Variants in SLC4A4 observed in about 807,000 individuals in gnomAD.
The protein encoded by SLC4A4 is solute carrier family 4 member 4.
In SLC4A4, 27 loss-of-function variants were observed where a neutral mutation model predicts 111.5. The observed-to-expected ratio is 0.24, with a 90% confidence interval of 0.18 to 0.33. The LOEUF (loss-of-function observed/expected upper bound fraction) is 0.33. SLC4A4 is among the 10% of genes least tolerant of loss of function. SLC4A4 has a pLI of 1.00. For missense variants in SLC4A4, 909 were observed against 1,315.5 expected (o/e 0.69, Z 4.78); for synonymous variants, 443 against 463.4 (o/e 0.96, Z 0.57).
Position 71,534,246 on chromosome 4 carries a change from G to A in SLC4A4, c.2300G>A (p.Gly767Asp). 6.2e-7 allele frequency: 1 copy of A among 1,613,602 alleles called. No individual in the cohort carries two copies. The highest frequency in any genetic ancestry group is 8.5e-7 in the Non-Finnish European group (1 of 1,179,756). ...SEFKPTSPNRGWFVPPFGENP... is the reference protein window; with the variant it reads ...SEFKPTSPNRDWFVPPFGENP... ...TTCAAGCCAACAAGTCCAAACCGAG[G>A]TTGGTTCGTTCCACCGTTTGGAGAA... Residue 767 changes from glycine (G) to aspartate (D), a missense_variant, in exon 18 of 26, where the codon GGT (glycine) becomes GAT (aspartate). Gly to Asp is a moderately conservative substitution (Grantham distance 94). This residue lies in a region of SLC4A4 where 264 missense variants were observed against 356.8 expected (regional missense o/e 0.74). Coordinates refer to ENST00000264485, the MANE Select transcript of SLC4A4 (RefSeq NM_001098484.3).
intron 20 of SLC4A4, among the ~76,000 whole-genome samples, chr4:71,553,090 A>T (rs767983486): frequency 6.6e-6 from 1 of 151,906 alleles, no homozygotes; most frequent in Non-Finnish European, 1.5e-5. Context: ...ATGTTGCATT[A>T]TCATAAGGAA....
At chr4:71,441,307 G>C (rs182000560) in intron 8 of SLC4A4, among the ~76,000 whole-genome samples, 1 of 152,050 alleles carries the variant, frequency 6.6e-6, no homozygotes, top group African/African-American at 2.4e-5. Context: ...TTATAATCAC[G>C]TACTCATTTC....
At chr4:71,370,460 C>T (rs1731762972) in intron 6 of SLC4A4, among the ~76,000 whole-genome samples, 1 of 152,134 alleles carries the variant, frequency 6.6e-6, no homozygotes, top group African/African-American at 2.4e-5. Context: ...AAAAAAATTT[C>T]AGGTAAAAAG....
At chr4:71,516,873 C>T (rs1732450539) in intron 16 of SLC4A4, among the ~76,000 whole-genome samples, 1 of 152,138 alleles carries the variant, frequency 6.6e-6, no homozygotes, top group Non-Finnish European at 1.5e-5. Context: ...TGTCTGTAGT[C>T]AGCCATCTTG....
At chr4:71,073,718 A>C (rs910418769) in intron 1 of SLC4A4, among the ~76,000 whole-genome samples, 3 of 152,118 alleles carry the variant, frequency 2.0e-5, no homozygotes, top group Non-Finnish European at 4.4e-5. Flanking sequence ...CTGTCTCTCC[A>C]GCACCTAGAA....
At chr4:71,167,880 C>T (rs566759753) in intron 2 of SLC4A4, among the ~76,000 whole-genome samples, 30 of 152,242 alleles carry the variant, frequency 2.0e-4, no homozygotes, top group African/African-American at 7.2e-4. Context: ...TCCAAAATGT[C>T]TTTCAAATTT....
At chr4:71,462,253 A>G (rs1726900693) in intron 12 of SLC4A4, among the ~76,000 whole-genome samples, 1 of 152,090 alleles carries the variant, frequency 6.6e-6, no homozygotes, top group South Asian at 2.1e-4. Context: ...CCCGTGAAGT[A>G]GCTATTGATT....
At chr4:71,329,509 G>C (rs1727793503) in intron 3 of SLC4A4, among the ~76,000 whole-genome samples, 2 of 151,960 alleles carry the variant, frequency 1.3e-5, no homozygotes, top group African/African-American at 4.8e-5. Context: ...ATGTTTTATA[G>C]TTTTCATTGT....
At chr4:71,429,258 A>G (rs1723432578) in intron 7 of SLC4A4, among the ~76,000 whole-genome samples, 1 of 152,072 alleles carries the variant, frequency 6.6e-6, no homozygotes. Context: ...TGGAGTGTGA[A>G]AGATTGAACT....
chr4:71,385,191 A>ATTTTTTTTTTTTTTTTTTTTTTTTTTT (rs1157788396), intron 6 of SLC4A4, among the ~76,000 whole-genome samples: 1 of 11,896 alleles, frequency 8.4e-5, no homozygotes, highest in African/African-American at 2.5e-4. Flanking sequence ...ATATATATAT[A>ATTTTTTTTTTTTTTTTTTTTTTTTTTT]TTTTTTTTTT....
chr4:71,391,009 A>T (rs1237580556), intron 6 of SLC4A4, among the ~76,000 whole-genome samples: 1 of 152,114 alleles, frequency 6.6e-6, no homozygotes, highest in African/African-American at 2.4e-5. Context: ...TCTCGAATAT[A>T]GACATTTTCT....
chr4:71,445,454 A>G (rs1725138894), intron 8 of SLC4A4, among the ~76,000 whole-genome samples: 1 of 152,170 alleles, frequency 6.6e-6, no homozygotes. Context: ...TGGAGGTGCT[A>G]GGGAGAGGTA....
intron 9 of SLC4A4, among the ~76,000 whole-genome samples, chr4:71,448,117 C>G (rs918284124): frequency 5.9e-5 from 9 of 151,846 alleles, no homozygotes; most frequent in Non-Finnish European, 1.3e-4. Context: ...GTCAGGAGTT[C>G]GAGACCAGCC....
intron 2 of SLC4A4, among the ~76,000 whole-genome samples, chr4:71,137,126 A>G (rs1378533824): frequency 6.6e-6 from 1 of 152,180 alleles, no homozygotes. Flanking sequence ...TGATAAGATT[A>G]GCTCTGCCCC....
At chr4:71,362,531 T>C (rs998998427) in intron 6 of SLC4A4, among the ~76,000 whole-genome samples, 7 of 152,256 alleles carry the variant, frequency 4.6e-5, no homozygotes, top group African/African-American at 1.4e-4. Context: ...ATAGGAGTGG[T>C]TTCTGGAATG....
intron 7 of SLC4A4, among the ~76,000 whole-genome samples, chr4:71,398,179 A>G (rs79941763): frequency 0.025 from 3,780 of 151,688 alleles, 159 homozygotes; most frequent in East Asian, 0.15. Context: ...CAGCTACTCC[A>G]CAGGCTGAAG....
chr4:71,522,207 A>G (rs571409413), intron 16 of SLC4A4, among the ~76,000 whole-genome samples: 4 of 152,302 alleles, frequency 2.6e-5, no homozygotes, highest in African/African-American at 9.6e-5. Flanking sequence ...GGTCTGTTCT[A>G]TCAGCCTCGA....
At chr4:71,175,532 T>C (rs1419176884) in intron 2 of SLC4A4, among the ~76,000 whole-genome samples, 3 of 152,198 alleles carry the variant, frequency 2.0e-5, no homozygotes, top group African/African-American at 7.2e-5. Context: ...GGAGATTATA[T>C]CCCGCGCGTG....
intron 2 of SLC4A4, among the ~76,000 whole-genome samples, chr4:71,159,038 G>A (rs1326809982): frequency 6.6e-6 from 1 of 152,124 alleles, no homozygotes; most frequent in Non-Finnish European, 1.5e-5. Flanking sequence ...AAATAACAAA[G>A]TGAAAAGGAG....
Sources: gnomAD v4.1 joint callset for allele counts (sites outside exome capture counted in the v4.1 genomes callset) on GRCh38, gnomAD v4.1.1 for gene constraint, gnomAD v4.1.1 regional missense constraint, MANE v1.5 for transcripts, NCBI Gene and HGNC (gene_info 2026-07-23, HGNC 2026-07-21) for gene names.